EDC3: variants seen among roughly 807,000 people sequenced by gnomAD.
EDC3 encodes the protein enhancer of mRNA-decapping protein 3.
EDC3 carries 20 observed loss-of-function variants against 41.8 expected under a neutral mutation model. The observed-to-expected ratio is 0.48, with a 90% CI of 0.34 to 0.70. The LOEUF is 0.70. EDC3 is among the 30% of genes least tolerant of loss of function. The pLI is 0.01. For missense variants in EDC3, 444 were observed against 636.8 expected, an observed-to-expected ratio of 0.70 and a Z score of 3.26; for synonymous variants, 206 against 243.2, an observed-to-expected ratio of 0.85 and a Z score of 1.42.
At chr15:74,675,829 C>T (rs1251365132) in intron 1 of EDC3, among the ~76,000 whole-genome samples, 19 of 148,294 alleles carry the variant, frequency 1.3e-4, no homozygotes, top group African/African-American at 3.5e-4. Flanking sequence ...TGCAGTGAGC[C>T]GAGATCACAC....
intron 1 of EDC3, among the ~76,000 whole-genome samples, chr15:74,694,512 C>T (rs1251318525): frequency 1.3e-5 from 2 of 152,158 alleles, no homozygotes; most frequent in Admixed American, 1.3e-4. Flanking sequence ...CACCACGTTG[C>T]CCAGACTGGT....
intron 1 of EDC3, 68 bp from the exon 2 acceptor site, chr15:74,675,210 T>C (rs1318059957): frequency 1.6e-5 from 23 of 1,431,282 alleles, no homozygotes; most frequent in Non-Finnish European, 2.2e-5. Flanking sequence ...ATTCAGCAAA[T>C]ATATCAGGCT....
chr15:74,675,202 T>A, intron 1 of EDC3, 60 bp from the exon 2 acceptor site: 1 of 1,496,200 alleles, frequency 6.7e-7, no homozygotes, highest in Non-Finnish European at 9.2e-7. Context: ...TTAATTAAAT[T>A]CAGCAAATAT....
intron 1 of EDC3, among the ~76,000 whole-genome samples, chr15:74,681,050 GTATAAAGGATCA>G (rs2062865167): frequency 6.6e-6 from 1 of 152,156 alleles, no homozygotes; most frequent in Non-Finnish European, 1.5e-5. Context: ...CCTCAAATTG[GTATAAAGGATCA>G]ATGCAATTCT....
chr15:74,671,640 G>C lies in EDC3; in HGVS notation c.299C>G (p.Thr100Arg). 1 of 1,614,154 alleles carries C rather than the reference G, an allele frequency of 6.2e-7. No homozygotes were observed. Among genetic ancestry groups the C allele is most frequent in the Non-Finnish European group, 8.5e-7 (1 of 1,180,026 alleles). Residue 100 changes from threonine to arginine, a missense_variant, in exon 3 of 7, where the codon ACA becomes AGA. This residue lies in a region of EDC3 where 200 missense variants were observed against 244.0 expected (regional missense o/e 0.82). Coordinates refer to ENST00000315127, the MANE Select transcript of EDC3 (RefSeq NM_025083.5). This position sits in a 1 kb window ranked among gnomAD's most constrained non-coding sequence, Gnocchi z 4.6. ...GGCTGGCTTCTTGACAAACTTGCCTGTGCCATTCTGATTGATGCCCACTTG... is the reference window on the plus strand; with the variant it reads ...GGCTGGCTTCTTGACAAACTTGCCTCTGCCATTCTGATTGATGCCCACTTG... ...GCQVGINQNG[T>R]GKFVKKPASS...
chr15:74,686,476 A>G lies in EDC3; in HGVS notation c.-19+9404T>C, dbSNP rs186141496. Among the ~76,000 whole-genome samples, 421 of 150,248 alleles carry G rather than the reference A, an allele frequency of 2.8e-3. 3 individuals carry two copies. Among genetic ancestry groups the G allele is most frequent in the African/African-American group, 9.3e-3 (381 of 40,840 alleles). On this transcript the variant is annotated intron_variant, in intron 1 of 6. Transcript: ENST00000315127. ...CACTCCAGCCTGGGCAACAAGAACAAGACTCCATCTCAAAAAAAATTAAAT... is the reference window on the plus strand; with the variant it reads ...CACTCCAGCCTGGGCAACAAGAACAGGACTCCATCTCAAAAAAAATTAAAT...
intron 2 of EDC3, 103 bp downstream of exon 2, chr15:74,674,858 T>C: frequency 7.4e-7 from 1 of 1,355,920 alleles, no homozygotes; most frequent in Non-Finnish European, 1.0e-6. Context: ...CTACTAAAAA[T>C]ACAAAAAGCG....
chr15:74,646,159 G>A (rs1328805460), intron 4 of EDC3, among the ~76,000 whole-genome samples: 2 of 144,828 alleles, frequency 1.4e-5, no homozygotes, highest in Admixed American at 7.1e-5. Context: ...TGCAACCTCC[G>A]CCTCCCGGGT....
chr15:74,683,796 T>C (rs2141674455), intron 1 of EDC3, among the ~76,000 whole-genome samples: 1 of 152,160 alleles, frequency 6.6e-6, no homozygotes, highest in East Asian at 1.9e-4. Flanking sequence ...TATCAATAAA[T>C]GCAGAAAGAT....
intron 3 of EDC3, among the ~76,000 whole-genome samples, chr15:74,664,345 C>T (rs1371656028): frequency 6.6e-6 from 1 of 152,250 alleles, no homozygotes; most frequent in African/African-American, 2.4e-5. Flanking sequence ...AAAGCACTTC[C>T]CTTGGAAAAG....
In EDC3 at chr15:74,655,852, C is replaced by T. The variant is rs763263440; in HGVS notation, c.701G>A (p.Arg234Gln). 12 of 1,613,962 alleles carry T rather than the reference C, an allele frequency of 7.4e-6. No homozygotes were observed. The highest frequency in any genetic ancestry group is 6.7e-5 in the African/African-American group (5 of 74,860). Residue 234 changes from arginine to glutamine, a missense_variant, in exon 4 of 7, where the codon CGG becomes CAG. This residue lies in a region of EDC3 where 242 missense variants were observed against 363.8 expected (regional missense o/e 0.67). Coordinates refer to ENST00000315127, the MANE Select transcript of EDC3 (RefSeq NM_025083.5). ...AGTGGGCCTTTCATTTGGGATGCCC[C>T]GGGAACGGGTACCACTTCTCCTTTC... Reference protein sequence around the residue: ...TYERRSGTRSRGIPNERPTRY... With the variant: ...TYERRSGTRSQGIPNERPTRY...
intron 3 of EDC3, among the ~76,000 whole-genome samples, chr15:74,660,383 C>T (rs1013835364): frequency 1.1e-4 from 16 of 150,744 alleles, no homozygotes; most frequent in African/African-American, 3.9e-4. Flanking sequence ...GCACTCCAGC[C>T]TTGGGGACAG....
chr15:74,656,735 C>T (rs2141617373), intron 3 of EDC3, among the ~76,000 whole-genome samples: 1 of 152,242 alleles, frequency 6.6e-6, no homozygotes, highest in South Asian at 2.1e-4. Flanking sequence ...CCCTGTTTTC[C>T]CACTAGAATG....
chr15:74,691,869 T>C (rs1029845773), intron 1 of EDC3, among the ~76,000 whole-genome samples: 1 of 152,030 alleles, frequency 6.6e-6, no homozygotes, highest in Admixed American at 6.6e-5. Context: ...CAGGCTGGAG[T>C]GCAGTGGAGC....
chr15:74,669,563 G>T (rs140226513), intron 3 of EDC3, among the ~76,000 whole-genome samples: 85 of 151,750 alleles, frequency 5.6e-4, no homozygotes, highest in African/African-American at 1.9e-3. Flanking sequence ...CTTGAATCAG[G>T]CATCTCCAAA....
Position 74,675,161 on chromosome 15 carries a change from A to G in EDC3, c.-18-19T>C. 6.2e-7 allele frequency: 1 copy of G among 1,605,322 alleles called. No homozygotes were observed. Among genetic ancestry groups the G allele is most frequent in the Non-Finnish European group, 8.5e-7 (1 of 1,175,810 alleles). On this transcript the variant is annotated intron_variant, in intron 1 of 6. Coordinates refer to ENST00000315127, the MANE Select transcript of EDC3 (RefSeq NM_025083.5). Reference sequence around the variant, plus strand: ...GAGACCACTGTGAAGAGAAGGAACTATTCAGTGTGCCTTGGTGAAAAGACA... The same window carrying G: ...GAGACCACTGTGAAGAGAAGGAACTGTTCAGTGTGCCTTGGTGAAAAGACA...
chr15:74,675,103 T>C lies in EDC3; in HGVS notation c.22A>G (p.Ser8Gly). 6.2e-7 allele frequency: 1 copy of C among 1,613,566 alleles called. No individual in the cohort carries two copies. The highest frequency in any genetic ancestry group is 8.5e-7 in the Non-Finnish European group (1 of 1,180,028). The stretch of plus-strand genomic sequence containing the variant: ...TCTCCACAATTGATGGACACAATAC[T>C]TCCCAGCCAATCTGTAGCCATGTTT... Reference protein sequence around the residue: MATDWLGSIVSINCGDSL... With the variant: MATDWLGGIVSINCGDSL... Residue 8 changes from serine to glycine, a missense_variant, in exon 2 of 7, where the codon AGT becomes GGT. Ser to Gly is a moderately conservative substitution (Grantham distance 56). This residue lies in a region of EDC3 where 200 missense variants were observed against 244.0 expected (regional missense o/e 0.82). Transcript: ENST00000315127.
At chr15:74,656,174 A>G (rs778061071) in intron 3 of EDC3, 106 bp from the exon 4 acceptor site, 3 of 1,093,410 alleles carry the variant, frequency 2.7e-6, no homozygotes, top group South Asian at 1.6e-5. Context: ...ACCAATGTGA[A>G]AATGGTAAAG....
intron 4 of EDC3, among the ~76,000 whole-genome samples, chr15:74,655,076 C>G (rs2062529484): frequency 6.6e-6 from 1 of 152,014 alleles, no homozygotes; most frequent in South Asian, 2.1e-4. Flanking sequence ...TGAATTACCT[C>G]TCTCACACTG....
Sources: gnomAD v4.1 joint callset for allele counts (sites outside exome capture counted in the v4.1 genomes callset) on GRCh38, gnomAD v4.1.1 for gene constraint, gnomAD v4.1.1 regional missense constraint, Gnocchi (gnomAD v3.1) non-coding constraint, MANE v1.5 for transcripts, NCBI Gene and HGNC (gene_info 2026-07-23, HGNC 2026-07-21) for gene names.